Variants in XPO5 observed in about 807,000 individuals in gnomAD.
The protein encoded by XPO5 is exportin-5.
In XPO5, 46 loss-of-function variants were observed where a neutral mutation model predicts 160.6. The ratio of observed to expected loss-of-function variants is 0.29; its 90% CI spans 0.23 to 0.37. The LOEUF (loss-of-function observed/expected upper bound fraction) is 0.37. Ranked by LOEUF, XPO5 falls within the 10% of genes least tolerant of loss-of-function variation. XPO5 has a pLI of 1.00. For synonymous variants in XPO5, 537 were observed against 519.3 expected (o/e 1.03, Z -0.46); for missense variants, 1,090 against 1,463.9 (o/e 0.74, Z 4.17).
chr6:43,565,794 C>G, intron 7 of XPO5, 58 bp from the exon 8 acceptor site: 2 of 1,299,564 alleles, frequency 1.5e-6, no homozygotes, highest in South Asian at 1.3e-5. Context: ...GTACCGACAT[C>G]TTCTGTAAGT....
chr6:43,553,643 T>C lies in XPO5; in HGVS notation c.1442-140A>G. Reference sequence around the variant, plus strand: ...TCATGATTGAAGGAGCAGGGTAATCTAACCCCTCTCAGCTGGGGCAAAGAA... The same window carrying C: ...TCATGATTGAAGGAGCAGGGTAATCCAACCCCTCTCAGCTGGGGCAAAGAA... On this transcript the variant is annotated intron_variant, in intron 13 of 31. Transcript: ENST00000265351. 3 of 1,412,874 alleles carry C rather than the reference T, an allele frequency of 2.1e-6. No individual in the cohort carries two copies. The South Asian group carries it at 4.8e-5, about 22-fold the overall frequency. 87.5% of individuals were successfully genotyped at this position (1,412,874 alleles called of 1,614,324 possible).
At position 43,570,764 on chromosome 6, in the gene XPO5, CA is replaced by C. The variant is rs202021212; in HGVS notation, c.439-81del. 73,226 of 1,055,228 alleles carry C rather than the reference CA, an allele frequency of 0.069. 1,139 individuals carry two copies. The highest frequency in any genetic ancestry group is 0.15 in the African/African-American group (9,217 of 60,844). The allele number at this position is 1,055,228 out of a possible 1,614,324, so 65.4% of individuals were successfully genotyped here. On this transcript the variant is annotated intron_variant, in intron 4 of 31. Transcript: ENST00000265351. ...ATATCCAAAGGCTATTTTCTGTTGC[CA>C]AAAAAAAAAACCCACAAACAAAATC...
Position 43,551,734 on chromosome 6 carries a change from T to G in XPO5, c.1573-281A>C, listed in dbSNP as rs374591566. 4.9e-3 allele frequency among the ~76,000 whole-genome samples: 743 copies of G among 152,248 alleles called. 5 individuals are homozygous for G. Among genetic ancestry groups the G allele is most frequent in the African/African-American group, 0.016 (676 of 41,542 alleles). Reference sequence around the variant, plus strand: ...GAGATGTTGTAGAAGTGTTGTTATGTCGACCAGGCTGGTCTCAAACTCCTG... The same window carrying G: ...GAGATGTTGTAGAAGTGTTGTTATGGCGACCAGGCTGGTCTCAAACTCCTG... On this transcript the variant is annotated intron_variant, in intron 14 of 31. Coordinates refer to ENST00000265351, the MANE Select transcript of XPO5 (RefSeq NM_020750.3).
At chr6:43,567,635 G>A (rs1762761488) in intron 6 of XPO5, among the ~76,000 whole-genome samples, 1 of 152,012 alleles carries the variant, frequency 6.6e-6, no homozygotes, top group African/African-American at 2.4e-5. Flanking sequence ...GCACACACCT[G>A]CAATACCAGC....
intron 20 of XPO5, chr6:43,538,736 G>T: frequency 3.9e-6 from 2 of 510,274 alleles, no homozygotes; most frequent in Admixed American, 3.8e-5. Context: ...AAATAAATAA[G>T]CCTCATAAAA....
At chr6:43,526,103 T>C in intron 27 of XPO5, 182 bp from the exon 28 acceptor site, 1 of 608,244 alleles carries the variant, frequency 1.6e-6, no homozygotes, top group Non-Finnish European at 2.9e-6. Context: ...CTTCTAGAGA[T>C]GCACTCAAGC....
chr6:43,544,484 C>A (rs1794870371), intron 20 of XPO5, among the ~76,000 whole-genome samples: 1 of 152,094 alleles, frequency 6.6e-6, no homozygotes, highest in Admixed American at 6.5e-5. Flanking sequence ...CTAGAGTCAA[C>A]CAGAAATGAA....
rs1430256302 is a variant in XPO5, at chr6:43,573,569, G to C, written c.138C>G (p.Ile46Met). The change falls in exon 2 of 32, where the codon ATC becomes ATG. Residue 46 changes from isoleucine to methionine, a missense_variant. Physicochemically the swap from Ile to Met is conservative, Grantham distance 10. This residue lies in a region of XPO5 where 170 missense variants were observed against 227.0 expected (regional missense o/e 0.75). Transcript: ENST00000265351. ...FCEEFKEKCP[I>M]CVPCGLRLAE... ...CCAACCTCAAGCCACAGGGGACACA[G>C]ATAGGACACTTTTCTTTAAACTCCT... is the stretch of plus-strand genomic sequence containing the variant. 2.5e-6 allele frequency: 4 copies of C among 1,613,700 alleles called. No individual in the cohort carries two copies. Among genetic ancestry groups the C allele is most frequent in the Non-Finnish European group, 3.4e-6 (4 of 1,179,692 alleles).
At chr6:43,573,355 G>A (rs1284546713) in intron 2 of XPO5, 125 bp downstream of exon 2, 15 of 1,279,960 alleles carry the variant, frequency 1.2e-5, no homozygotes, top group Non-Finnish European at 1.6e-5. Flanking sequence ...TAACATCTAG[G>A]GGATCATTCC....
At chr6:43,565,045 C>T (rs945475211) in intron 8 of XPO5, among the ~76,000 whole-genome samples, 2 of 151,732 alleles carry the variant, frequency 1.3e-5, no homozygotes, top group Non-Finnish European at 2.9e-5. Context: ...GCCTCAGCCT[C>T]CTGAGTAGCT....
intron 6 of XPO5, 52 bp from the exon 7 acceptor site, chr6:43,567,406 G>C (rs1561886142): frequency 1.3e-6 from 2 of 1,502,988 alleles, no homozygotes; most frequent in Non-Finnish European, 1.8e-6. Context: ...AACAGGTAAG[G>C]AATCAGTGGT....
At chr6:43,566,318 C>G (rs987453918) in intron 7 of XPO5, among the ~76,000 whole-genome samples, 1 of 151,988 alleles carries the variant, frequency 6.6e-6, no homozygotes, top group Non-Finnish European at 1.5e-5. Flanking sequence ...TGCTTGAACC[C>G]GGGAGGCAGA....
At position 43,575,928 on chromosome 6, in the gene XPO5, C is replaced by A. The variant is rs1018072698; in HGVS notation, c.-64G>T. 3 of 1,528,716 alleles carry A rather than the reference C, an allele frequency of 2.0e-6. No homozygotes were observed. In the Admixed American group the frequency reaches 5.2e-5, roughly 27 times the overall value. 94.7% of individuals were successfully genotyped at this position (1,528,716 alleles called of 1,614,324 possible). A position where few individuals can be genotyped will look rare whatever the true frequency, so the allele number is the denominator to read the frequency against. On this transcript the variant is annotated 5_prime_UTR_variant, in exon 1 of 32. Transcript: ENST00000265351. ...CCCGGGACCACGAGGCACGACAGCTCCCTCGGCGAGACCACCCGTTGGTAC... is the reference window on the plus strand; with the variant it reads ...CCCGGGACCACGAGGCACGACAGCTACCTCGGCGAGACCACCCGTTGGTAC...
At chr6:43,527,277 T>A (rs911599064) in intron 26 of XPO5, 7 of 215,134 alleles carry the variant, frequency 3.3e-5, no homozygotes, top group Non-Finnish European at 6.6e-5. Context: ...GCTACAAACA[T>A]GAACTTTTTT....
At chr6:43,564,454 G>A (rs182518528) in intron 8 of XPO5, among the ~76,000 whole-genome samples, 17 of 152,052 alleles carry the variant, frequency 1.1e-4, no homozygotes, top group African/African-American at 3.1e-4. Flanking sequence ...GCTTGAACCC[G>A]GGAGGCAGAG....
chr6:43,568,650 C>T, intron 6 of XPO5, 61 bp downstream of exon 6: 1 of 1,383,462 alleles, frequency 7.2e-7, no homozygotes, highest in South Asian at 1.4e-5. Context: ...CCACTAGGGG[C>T]ACGTATCCCC....
At chr6:43,525,425 A>C in intron 28 of XPO5, 1 of 561,010 alleles carries the variant, frequency 1.8e-6, no homozygotes, top group Non-Finnish European at 3.1e-6. Context: ...GGTGTGTGCC[A>C]CCATGCCTGG....
rs1329202704 is a variant in XPO5 at position 43,523,922 on chromosome 6, C to T, written c.3561G>A (p.Glu1187=). 7 of 1,614,066 alleles carry T rather than the reference C, an allele frequency of 4.3e-6. No homozygotes were observed. ...SLFKKTKPML[E]TEVLDNDGGG... ...CCCCATCATTGTCCAGCACCTCCGT[C>T]TCCAGCATTGGCTTTGTTTTTTTGA... The change falls in exon 32 of 32, where the codon GAG becomes GAA. Residue 1187 remains glutamate, a synonymous_variant. Transcript: ENST00000265351.
intron 14 of XPO5, among the ~76,000 whole-genome samples, chr6:43,551,929 A>G (rs1795246752): frequency 6.6e-6 from 1 of 151,892 alleles, no homozygotes; most frequent in Non-Finnish European, 1.5e-5. Flanking sequence ...GGCCTCCCAA[A>G]GTGTTGGGAT....
Sources: allele counts gnomAD v4.1 joint callset (sites outside exome capture counted in the v4.1 genomes callset), GRCh38; gene constraint gnomAD v4.1.1; regional missense constraint gnomAD v4.1.1; transcripts MANE v1.5; gene names NCBI Gene and HGNC (gene_info 2026-07-23, HGNC 2026-07-21).